KIF2A: variants seen among roughly 807,000 people sequenced by gnomAD.
The protein encoded by KIF2A is kinesin family member 2A.
In KIF2A, 22 loss-of-function variants were observed where a neutral mutation model predicts 100.2. The ratio of observed to expected loss-of-function variants is 0.22; its 90% CI spans 0.16 to 0.31. KIF2A has a LOEUF of 0.31. KIF2A is among the 10% of genes least tolerant of loss of function. KIF2A has a pLI of 1.00. For synonymous variants in KIF2A, 268 were observed against 285.9 expected (o/e 0.94, Z 0.63); for missense variants, 495 against 898.7 (o/e 0.55, Z 5.74).
chr5:62,378,944 T>C (rs891555128), intron 19 of KIF2A, among the ~76,000 whole-genome samples: 1 of 151,976 alleles, frequency 6.6e-6, no homozygotes, highest in African/African-American at 2.4e-5. Context: ...AAACTGTTAT[T>C]ATGAGACTCT....
intron 19 of KIF2A, among the ~76,000 whole-genome samples, chr5:62,379,429 G>A (rs970510740): frequency 5.3e-5 from 8 of 152,106 alleles, no homozygotes; most frequent in East Asian, 1.9e-4. Context: ...TTGGGAGGCC[G>A]AGACGGGTGG....
chr5:62,350,280 T>C (rs1580059451), intron 4 of KIF2A, among the ~76,000 whole-genome samples, 160 bp downstream of exon 4: 2 of 151,784 alleles, frequency 1.3e-5, no homozygotes, highest in African/African-American at 4.9e-5. Context: ...GTTTTTTGTT[T>C]TTTGGTTTTT....
rs1192534664 is a variant in KIF2A at position 62,372,447 on chromosome 5, G to A, written c.1656G>A (p.Glu552=). 1.2e-6 allele frequency: 2 copies of A among 1,601,366 alleles called. No homozygotes were observed. Among genetic ancestry groups the A allele is most frequent in the Non-Finnish European group, 1.7e-6 (2 of 1,169,194 alleles). ...NTLRYANRVK[E]FGISPSDIPF... is the part of the protein sequence containing the mutation. ...TCTTTTGGTGCTGCAGAGTAAAGGA[G>A]TTTGGAATTAGTCCATCAGACATTC... The change falls in exon 17 of 21, where the codon GAG becomes GAA. Residue 552 remains glutamate, a synonymous_variant. Coordinates refer to ENST00000407818, the MANE Select transcript of KIF2A (RefSeq NM_001098511.3).
chr5:62,372,356 A>G, intron 16 of KIF2A, 82 bp from the exon 17 acceptor site: 1 of 714,630 alleles, frequency 1.4e-6, no homozygotes, highest in Non-Finnish European at 2.5e-6. Flanking sequence ...AACAAAAGTG[A>G]ATACTAAATG....
intron 6 of KIF2A, among the ~76,000 whole-genome samples, chr5:62,354,442 A>G (rs890438755): frequency 1.7e-4 from 26 of 152,152 alleles, no homozygotes; most frequent in African/African-American, 6.3e-4. Context: ...AAAAAATGTG[A>G]CTTCTTAGAA....
Position 62,381,881 on chromosome 5 carries a change from A to G in KIF2A, c.2149+628A>G, listed in dbSNP as rs767771613. 1.9e-4 allele frequency among the ~76,000 whole-genome samples: 29 copies of G among 152,308 alleles called. No individual in the cohort carries two copies. The South Asian group carries it at 2.1e-3, about 11-fold the overall frequency. On this transcript the variant is annotated intron_variant, in intron 20 of 20. Coordinates refer to ENST00000407818, the MANE Select transcript of KIF2A (RefSeq NM_001098511.3). ...CTTGGCCTCTGCCACTTTTTTTTAA[A>G]TGAAGGAGGTGTCAAGATGACTATC...
At chr5:62,322,269 G>T (rs1746139018) in intron 1 of KIF2A, among the ~76,000 whole-genome samples, 1 of 152,066 alleles carries the variant, frequency 6.6e-6, no homozygotes, top group African/African-American at 2.4e-5. Context: ...AAAACTTCTG[G>T]ATACTACTGC....
chr5:62,313,714 T>C (rs1202069269), intron 1 of KIF2A, among the ~76,000 whole-genome samples: 1 of 152,160 alleles, frequency 6.6e-6, no homozygotes, highest in Non-Finnish European at 1.5e-5. Flanking sequence ...CAATTGAAAT[T>C]GGCATTGTCA....
chr5:62,340,181 C>T (rs1487453767), intron 1 of KIF2A, among the ~76,000 whole-genome samples: 1 of 152,064 alleles, frequency 6.6e-6, no homozygotes, highest in African/African-American at 2.4e-5. Flanking sequence ...TGGTGATCCA[C>T]CCACCTCAGC....
In KIF2A at chr5:62,332,590, T is replaced by C. The variant is rs192527805; in HGVS notation, c.65-14540T>C. ...ATTTTATTTATATAAATTTTTGACA[T>C]CTAAGTTTGGGGTGAACATTATTTT... On this transcript the variant is annotated intron_variant, in intron 1 of 20. Coordinates refer to ENST00000407818, the MANE Select transcript of KIF2A (RefSeq NM_001098511.3). Among the ~76,000 whole-genome samples, 428 of 152,282 alleles carry C rather than the reference T, an allele frequency of 2.8e-3. 6 individuals carry two copies. Among genetic ancestry groups the C allele is most frequent in the Non-Finnish European group, 9.1e-4 (62 of 68,024 alleles).
intron 1 of KIF2A, among the ~76,000 whole-genome samples, chr5:62,314,180 A>T (rs376989724): frequency 3.9e-5 from 6 of 152,090 alleles, no homozygotes; most frequent in East Asian, 1.9e-4. Context: ...TTGTAAATAG[A>T]GACTGGCTCG....
intron 20 of KIF2A, 44 bp downstream of exon 20, chr5:62,381,297 G>A (rs1434473275): frequency 9.6e-6 from 15 of 1,557,264 alleles, no homozygotes; most frequent in Non-Finnish European, 1.3e-5. Flanking sequence ...GATTGGTATT[G>A]GTATGTATAT....
chr5:62,387,933 G>A lies in KIF2A; in HGVS notation c.*2364G>A, dbSNP rs1457538520. 1 of 151,630 alleles carries A rather than the reference G, an allele frequency of 6.6e-6. No homozygotes were observed. The highest frequency in any genetic ancestry group is 1.5e-5 in the Non-Finnish European group (1 of 67,928). The allele number at this position is 151,630 out of a possible 1,614,324, so 9.4% of individuals were successfully genotyped here. On this transcript the variant is annotated 3_prime_UTR_variant, in exon 21 of 21. Transcript: ENST00000407818. ...TGGAAACACTCTTCTATTAAGTTAG[G>A]TATTAAAAAAAGCCAAATATCAATA... is the stretch of plus-strand genomic sequence containing the variant.
intron 18 of KIF2A, among the ~76,000 whole-genome samples, chr5:62,376,265 G>A (rs1367130503): frequency 6.6e-6 from 1 of 152,054 alleles, no homozygotes; most frequent in Non-Finnish European, 1.5e-5. Context: ...CACACCCAGG[G>A]AATTATCTTG....
Position 62,307,792 on chromosome 5 carries a change from A to G in KIF2A, c.64+1256A>G, listed in dbSNP as rs557101323. ...TCACCACACCCAGCTAATTTTTTGT[A>G]TTTTTAGTAGAGACGGGGTTTCACC... On this transcript the variant is annotated intron_variant, in intron 1 of 20. Transcript: ENST00000407818. 9.9e-5 allele frequency among the ~76,000 whole-genome samples: 15 copies of G among 152,064 alleles called. No individual in the cohort carries two copies. In the East Asian group the frequency reaches 2.7e-3, roughly 27 times the overall value.
intron 1 of KIF2A, 43 bp from the exon 2 acceptor site, chr5:62,347,087 T>A (rs2111906673): frequency 9.3e-7 from 1 of 1,077,008 alleles, no homozygotes; most frequent in African/African-American, 1.6e-5. Context: ...AGGAATGCCA[T>A]AATTTGTGGC....
At chr5:62,341,546 C>T (rs74509557) in intron 1 of KIF2A, among the ~76,000 whole-genome samples, 1 of 152,266 alleles carries the variant, frequency 6.6e-6, no homozygotes, top group East Asian at 1.9e-4. Context: ...AAGCCATCCT[C>T]CTGCTTCTGC....
At chr5:62,335,376 A>G (rs1746887790) in intron 1 of KIF2A, among the ~76,000 whole-genome samples, 1 of 152,040 alleles carries the variant, frequency 6.6e-6, no homozygotes, top group African/African-American at 2.4e-5. Flanking sequence ...CCTGTCCCCC[A>G]TTACTGTCCA....
rs1178545133 is a variant in KIF2A, at chr5:62,390,278, GACTT to G, written c.*4714_*4717del. Among the ~76,000 whole-genome samples, 1 of 152,108 alleles carries G rather than the reference GACTT, an allele frequency of 6.6e-6. No individual in the cohort carries two copies. ...TTGAAGCCTTATTCTGTTTTCATAA[GACTT>G]ACTTGCTTAATTCAAGCAAAACAAA... On this transcript the variant is annotated 3_prime_UTR_variant, in exon 21 of 21. Coordinates refer to ENST00000407818, the MANE Select transcript of KIF2A (RefSeq NM_001098511.3).
Sources: allele counts gnomAD v4.1 joint callset (sites outside exome capture counted in the v4.1 genomes callset), GRCh38; gene constraint gnomAD v4.1.1; transcripts MANE v1.5; gene names NCBI Gene and HGNC (gene_info 2026-07-23, HGNC 2026-07-21).